The following USP54 variants were observed in gnomAD, a reference collection of about 807,000 sequenced individuals.
The protein encoded by USP54 is ubiquitin carboxyl-terminal hydrolase 54.
USP54 carries 87 observed loss-of-function variants against 170.5 expected under a neutral mutation model. The ratio of observed to expected loss-of-function variants is 0.51; its 90% CI spans 0.43 to 0.61. The LOEUF (loss-of-function observed/expected upper bound fraction) is 0.61. Among genes scored for constraint, USP54 ranks in the 20% least tolerant of loss-of-function variants. USP54 has a pLI of 0.00. For missense variants in USP54, 1,786 were observed against 2,047.8 expected, an observed-to-expected ratio of 0.87 and a Z score of 2.47; for synonymous variants, 655 against 742.8, an observed-to-expected ratio of 0.88 and a Z score of 1.92.
intron 1 of USP54, among the ~76,000 whole-genome samples, chr10:73,602,475 C>T (rs759961512): frequency 8.6e-5 from 13 of 151,672 alleles, no homozygotes; most frequent in Middle Eastern, 3.4e-3. Context: ...ATGGCGTGAA[C>T]CCAGGAGGCA....
chr10:73,594,173 T>G (rs1311229031), upstream of USP54, among the ~76,000 whole-genome samples: 1 of 151,732 alleles, frequency 6.6e-6, no homozygotes, highest in Non-Finnish European at 1.5e-5. Context: ...CAGGTTCAAG[T>G]GATTCTCCTG....
At chr10:73,595,552 T>G (rs540716652), upstream of USP54, among the ~76,000 whole-genome samples, 51 of 152,298 alleles carry the variant, frequency 3.3e-4, no homozygotes, top group African/African-American at 1.2e-3. Context: ...ATAAATGGAC[T>G]CTAAAGAAGA....
At chr10:73,614,614 A>AATGGTGG (rs2080466897) in intron 1 of USP54, among the ~76,000 whole-genome samples, 1 of 149,476 alleles carries the variant, frequency 6.7e-6, no homozygotes, top group Non-Finnish European at 1.5e-5. Flanking sequence ...TACATACACA[A>AATGGTGG]ATGGTGGATA....
intron 4 of USP54, among the ~76,000 whole-genome samples, chr10:73,567,531 G>A (rs1224060701): frequency 1.3e-5 from 2 of 152,086 alleles, no homozygotes; most frequent in East Asian, 1.9e-4. Context: ...AATTAGCTGG[G>A]CGTGGTAGTG....
At chr10:73,556,121 T>C (rs948798171) in intron 4 of USP54, among the ~76,000 whole-genome samples, 1 of 152,088 alleles carries the variant, frequency 6.6e-6, no homozygotes, top group Non-Finnish European at 1.5e-5. Context: ...GGATTAGACA[T>C]AAGGACATAC....
intron 9 of USP54, among the ~76,000 whole-genome samples, chr10:73,539,833 C>A (rs1424751794): frequency 6.6e-6 from 1 of 152,144 alleles, no homozygotes; most frequent in Non-Finnish European, 1.5e-5. Context: ...GATAGCAAGA[C>A]CCTATCTTTA....
chr10:73,512,782 A>G (rs1181393860), intron 20 of USP54, among the ~76,000 whole-genome samples: 1 of 152,194 alleles, frequency 6.6e-6, no homozygotes, highest in Non-Finnish European at 1.5e-5. Context: ...ATGGTCAGTA[A>G]GTACTCTTTC....
rs556242805 is a variant in USP54 at position 73,526,706 on chromosome 10, A to T, written c.2135T>A (p.Ile712Asn). The T allele has an allele frequency of 1.2e-6, 2 of 1,614,174 alleles. No individual in the cohort carries two copies. Among genetic ancestry groups the T allele is most frequent in the Non-Finnish European group, 1.7e-6 (2 of 1,180,022 alleles). The change falls in exon 16 of 24, where the codon ATC becomes AAC. Residue 712 changes from isoleucine to asparagine, a missense_variant. By Grantham distance (149) the Ile-to-Asn change is moderately radical (BLOSUM62 -3). Around this residue, in one of 3 missense-constraint regions of USP54, gnomAD observed 1,418 missense variants for 1,569.0 expected, o/e 0.90. Transcript: ENST00000687698. Reference sequence around the variant, plus strand: ...GGATGCTGTGGAGTCTACCTCCAGGATGCTACTGCTGTGCGACTTTGGGAT... The same window carrying T: ...GGATGCTGTGGAGTCTACCTCCAGGTTGCTACTGCTGTGCGACTTTGGGAT... ...RHIPKSHSSS[I>N]LEVDSTASMG...
chr10:73,530,693 G>A lies in USP54; in HGVS notation c.1447+11C>T. The A allele has an allele frequency of 6.2e-7, 1 of 1,613,934 alleles. No individual in the cohort carries two copies. Among genetic ancestry groups the A allele is most frequent in the Non-Finnish European group, 8.5e-7 (1 of 1,179,972 alleles). The stretch of plus-strand genomic sequence containing the variant: ...ATGAAGGAGAAAGAGAAGCAGTGCA[G>A]AAGGGCTTGCCTTCACTGTGGTATC... On this transcript the variant is annotated intron_variant, in intron 13 of 23. Transcript: ENST00000687698.
intron 4 of USP54, among the ~76,000 whole-genome samples, chr10:73,568,232 T>A (rs1409378637): frequency 1.3e-5 from 2 of 152,072 alleles, no homozygotes; most frequent in Non-Finnish European, 2.9e-5. Flanking sequence ...AGTTTTAAAG[T>A]GGGGAACAAA....
Position 73,575,511 on chromosome 10 carries a change from C to T in USP54, c.147+1G>A, listed in dbSNP as rs1237801643. On this transcript the variant is annotated splice_donor_variant, in intron 3 of 23. Coordinates refer to ENST00000687698, the MANE Select transcript of USP54 (RefSeq NM_001391956.1). LOFTEE classifies it high-confidence loss of function. ...ACCAAAAATAAAGAAATGACCCTTA[C>T]CTGCAGGGCACTGTTGAGGAAGCAG... is the stretch of plus-strand genomic sequence containing the variant. 6.3e-7 allele frequency: 1 copy of T among 1,597,748 alleles called. No homozygotes were observed. Among genetic ancestry groups the T allele is most frequent in the Non-Finnish European group, 8.5e-7 (1 of 1,174,606 alleles).
intron 4 of USP54, among the ~76,000 whole-genome samples, chr10:73,565,214 A>T (rs1396607733): frequency 2.6e-5 from 4 of 152,138 alleles, no homozygotes; most frequent in Non-Finnish European, 5.9e-5. Context: ...TTGTTACCAC[A>T]ATATAATTTA....
rs1417032217 is a variant in USP54, at chr10:73,545,727, A to G, written c.241-55T>C. On this transcript the variant is annotated intron_variant, in intron 4 of 23. Transcript: ENST00000687698. ...AGTACAATGCTGTTATTAAACTTCT[A>G]TACATCCTAGTCTGTCATGCTAGCA... The G allele has an allele frequency of 6.9e-6, 11 of 1,591,226 alleles. No homozygotes were observed. In the Admixed American group the frequency reaches 8.5e-5, roughly 12 times the overall value.
Position 73,541,728 on chromosome 10 carries a change from T to C in USP54, c.583A>G (p.Ile195Val). The stretch of plus-strand genomic sequence containing the variant: ...TTCTCTCGTCTTTCCAGCATACAAA[T>C]AGCCTGATTGCTTCAAGATGGGGAA... ...ISTTSLCNQA[I>V]CMLERREKPS... The change falls in exon 8 of 24, where the codon ATT becomes GTT. Residue 195 changes from isoleucine to valine, a missense_variant. Coordinates refer to ENST00000687698, the MANE Select transcript of USP54 (RefSeq NM_001391956.1). The C allele has an allele frequency of 1.2e-6, 2 of 1,614,068 alleles. No individual in the cohort carries two copies. The highest frequency in any genetic ancestry group is 1.7e-6 in the Non-Finnish European group (2 of 1,179,984).
rs533505253 is a variant in USP54 at position 73,522,377 on chromosome 10, G to A, written c.2362+1206C>T. The stretch of plus-strand genomic sequence containing the variant: ...GACAAGCTATAGTTGATCAATCACT[G>A]TACTAAATTTTAATTCTTATCCTTC... On this transcript the variant is annotated intron_variant, in intron 17 of 23. Coordinates refer to ENST00000687698, the MANE Select transcript of USP54 (RefSeq NM_001391956.1). Among the ~76,000 whole-genome samples, 253 of 152,304 alleles carry A rather than the reference G, an allele frequency of 1.7e-3. 1 individual carries two copies. Among genetic ancestry groups the A allele is most frequent in the African/African-American group, 5.9e-3 (244 of 41,552 alleles).
chr10:73,511,696 G>A, intron 20 of USP54, among the ~76,000 whole-genome samples: 1 of 151,212 alleles, frequency 6.6e-6, no homozygotes, highest in East Asian at 1.9e-4. Context: ...ATGTAATTTG[G>A]TGCTTAATAA....
At chr10:73,543,446 A>G (rs2067057044) in intron 5 of USP54, among the ~76,000 whole-genome samples, 1 of 152,060 alleles carries the variant, frequency 6.6e-6, no homozygotes. Context: ...GGCTCACTGC[A>G]AGCTCCACCT....
At chr10:73,539,657 G>C in intron 9 of USP54, 64 bp from the exon 10 acceptor site, 1 of 1,474,182 alleles carries the variant, frequency 6.8e-7, no homozygotes, top group Non-Finnish European at 9.1e-7. Context: ...TCATCTCTCA[G>C]CAGACTCCAC....
chr10:73,546,396 G>C (rs900470822), intron 4 of USP54: 3 of 152,120 alleles, frequency 2.0e-5, no homozygotes, highest in African/African-American at 7.2e-5. Context: ...TTGTCACCCA[G>C]GCTGGAGTGC....
Sources: allele counts gnomAD v4.1 joint callset (sites outside exome capture counted in the v4.1 genomes callset), GRCh38; gene constraint gnomAD v4.1.1; regional missense constraint gnomAD v4.1.1; transcripts MANE v1.5; gene names NCBI Gene and HGNC (gene_info 2026-07-23, HGNC 2026-07-21).